TGM4: variants seen among roughly 807,000 people sequenced by gnomAD.
The protein encoded by TGM4 is protein-glutamine gamma-glutamyltransferase 4.
TGM4 carries 61 observed loss-of-function variants against 76.3 expected under a neutral mutation model. The observed-to-expected ratio is 0.80, with a 90% CI of 0.65 to 0.99. The LOEUF (loss-of-function observed/expected upper bound fraction) is 0.99, where lower values mean the gene tolerates loss of function less well. TGM4 is among the 50% of genes least tolerant of loss of function. The probability of loss-of-function intolerance (pLI) is 0.00; values close to 1 mark genes in which losing one functional copy is unlikely to be tolerated. For synonymous variants in TGM4, 337 were observed against 329.8 expected, an observed-to-expected ratio of 1.02 and a Z score of -0.24; for missense variants, 794 against 843.2, an observed-to-expected ratio of 0.94 and a Z score of 0.72.
At chr3:44,910,851 C>T in intron 11 of TGM4, 107 bp from the exon 12 acceptor site, 1 of 1,271,394 alleles carries the variant, frequency 7.9e-7, no homozygotes, top group African/African-American at 1.5e-5. Context: ...CCAAAGTTAT[C>T]CAGTTCAATT....
At chr3:44,878,442 C>CTTTTA (rs1438201527) in intron 1 of TGM4, among the ~76,000 whole-genome samples, 2 of 143,114 alleles carry the variant, frequency 1.4e-5, no homozygotes, top group Non-Finnish European at 3.0e-5. Context: ...GCATTTATTA[C>CTTTTA]TTTTGTTTTA....
chr3:44,896,783 C>A lies in TGM4; in HGVS notation c.624C>A (p.Asp208Glu), dbSNP rs1332950753. Reference sequence around the variant, plus strand: ...CCCTCAAGCCCACAGATAGGAGGGACCCCGTGCTGGTGTGCAGGGCCATGT... The same window carrying A: ...CCCTCAAGCCCACAGATAGGAGGGAACCCGTGCTGGTGTGCAGGGCCATGT... The part of the protein sequence containing the change: ...ESSLKPTDRR[D>E]PVLVCRAMCA... Residue 208 changes from aspartate (D) to glutamate (E), a missense_variant, in exon 6 of 14, where the codon GAC (aspartate) becomes GAA (glutamate). Physicochemically the swap from Asp to Glu is conservative, Grantham distance 45. Transcript: ENST00000296125. 1.9e-6 allele frequency: 3 copies of A among 1,614,166 alleles called. No individual in the cohort carries two copies. The highest frequency in any genetic ancestry group is 2.5e-6 in the Non-Finnish European group (3 of 1,180,020).
rs560188073 is a variant in TGM4, at chr3:44,881,090, G to T, written c.20-4235G>T. 2.2e-4 allele frequency among the ~76,000 whole-genome samples: 33 copies of T among 149,118 alleles called. 1 individual carries two copies. Among genetic ancestry groups the T allele is most frequent in the African/African-American group, 8.1e-4 (32 of 39,498 alleles). ...ACTATGGTGCACACCTGTAGTCCCAGCTACTCTGGAGGCTGAAGTGGGAGG... is the reference window on the plus strand; with the variant it reads ...ACTATGGTGCACACCTGTAGTCCCATCTACTCTGGAGGCTGAAGTGGGAGG... On this transcript the variant is annotated intron_variant, in intron 1 of 13. Transcript: ENST00000296125.
At chr3:44,885,183 C>T (rs1023508198) in intron 1 of TGM4, 142 bp from the exon 2 acceptor site, 1 of 779,926 alleles carries the variant, frequency 1.3e-6, no homozygotes, top group African/African-American at 1.8e-5. Context: ...AGATTCATAA[C>T]CAGCTGGAGG....
rs747417296 is a variant in TGM4 at position 44,903,962 on chromosome 3, C to T, written c.1050C>T (p.Asp350=). The change falls in exon 9 of 14, where the codon GAC becomes GAT. Residue 350 remains aspartate (D), a synonymous_variant. Transcript: ENST00000296125. ...PKGYDGWQAV[D]ATPQERSQGV... ...GCTACGACGGCTGGCAGGCTGTGGA[C>T]GCAACGCCGCAGGAGCGAAGCCAGG... is the stretch of plus-strand genomic sequence containing the variant. 2.7e-5 allele frequency: 44 copies of T among 1,613,930 alleles called. No homozygotes were observed. The highest frequency in any genetic ancestry group is 1.2e-4 in the Admixed American group (7 of 60,008).
At chr3:44,903,564 T>G in intron 8 of TGM4, 11 of 333,098 alleles carry the variant, frequency 3.3e-5, no homozygotes, top group Middle Eastern at 8.9e-4. Flanking sequence ...ACAGATAAGA[T>G]TTAGTTCTGC....
At chr3:44,897,991 G>T (rs1699802227) in intron 6 of TGM4, among the ~76,000 whole-genome samples, 1 of 152,078 alleles carries the variant, frequency 6.6e-6, no homozygotes, top group Non-Finnish European at 1.5e-5. Flanking sequence ...ATTTAAAAAG[G>T]CAGAGGACGG....
chr3:44,900,506 G>A (rs1259473555), intron 6 of TGM4, among the ~76,000 whole-genome samples: 2 of 152,176 alleles, frequency 1.3e-5, no homozygotes, highest in Non-Finnish European at 2.9e-5. Flanking sequence ...CTCCCAAACA[G>A]GATTCAGAAA....
chr3:44,914,798 C>T lies in TGM4; in HGVS notation c.*1073C>T, dbSNP rs1266178759. The T allele has an allele frequency of 6.6e-6, 1 of 152,072 alleles. No homozygotes were observed. The highest frequency in any genetic ancestry group is 1.5e-5 in the Non-Finnish European group (1 of 68,042). 9.4% of individuals were successfully genotyped at this position (152,072 alleles called of 1,614,324 possible). ...GCTGTCACCCCAACTGGATACACAC[C>T]CTGGCAAAGGCACGTAGCTTGAATG... is the stretch of plus-strand genomic sequence containing the variant. On this transcript the variant is annotated 3_prime_UTR_variant, in exon 14 of 14. Coordinates refer to ENST00000296125, the MANE Select transcript of TGM4 (RefSeq NM_003241.4).
rs188861532 is a variant in TGM4, at chr3:44,910,372, C to A, written c.1606+4C>A. 7 of 1,612,234 alleles carry A rather than the reference C, an allele frequency of 4.3e-6. No individual in the cohort carries two copies. The highest frequency in any genetic ancestry group is 5.9e-6 in the Non-Finnish European group (7 of 1,178,634). ...ACCTCGCAGATCCAAGGTCAAGGTA[C>A]CAGAACCAGAGGGAGGAGAGGCCTC... On this transcript the variant is annotated splice_donor_region_variant and intron_variant, in intron 11 of 13. Coordinates refer to ENST00000296125, the MANE Select transcript of TGM4 (RefSeq NM_003241.4).
At chr3:44,906,921 A>G in intron 9 of TGM4, 28 bp from the exon 10 acceptor site, 3 of 1,608,120 alleles carry the variant, frequency 1.9e-6, no homozygotes, top group Non-Finnish European at 2.6e-6. Context: ...AACCCCACTG[A>G]GAGTGACCAC....
chr3:44,878,551 C>T (rs575448465), intron 1 of TGM4, among the ~76,000 whole-genome samples: 11 of 151,126 alleles, frequency 7.3e-5, no homozygotes, highest in Non-Finnish European at 1.2e-4. Flanking sequence ...GACGTGATCT[C>T]GGTTCACTGC....
intron 6 of TGM4, among the ~76,000 whole-genome samples, chr3:44,898,892 C>A (rs544067398): frequency 6.6e-6 from 1 of 152,222 alleles, no homozygotes; most frequent in East Asian, 1.9e-4. Context: ...AGCCCAGGGG[C>A]CAGCAGGTGG....
intron 2 of TGM4, among the ~76,000 whole-genome samples, chr3:44,887,418 G>T (rs1699623190): frequency 6.6e-6 from 1 of 152,232 alleles, no homozygotes; most frequent in Non-Finnish European, 1.5e-5. Context: ...ACAGAGGCAG[G>T]AGCTCTAGGG....
At chr3:44,893,730 C>T in intron 5 of TGM4, 35 bp downstream of exon 5, 1 of 1,575,680 alleles carries the variant, frequency 6.3e-7, no homozygotes, top group Non-Finnish European at 8.7e-7. Context: ...GCACCAGGCC[C>T]CATCTGCTAG....
At chr3:44,907,297 ACCCCAT>A (rs1699937324) in intron 10 of TGM4, 97 bp downstream of exon 10, 4 of 1,166,506 alleles carry the variant, frequency 3.4e-6, no homozygotes, top group Non-Finnish European at 4.6e-6. Flanking sequence ...ACATGGTGAA[ACCCCAT>A]CCCTACCAAA....
Position 44,907,070 on chromosome 3 carries a change from G to A in TGM4, c.1197G>A (p.Lys399=). 1 of 1,614,220 alleles carries A rather than the reference G, an allele frequency of 6.2e-7. No homozygotes were observed. The highest frequency in any genetic ancestry group is 1.1e-5 in the South Asian group (1 of 91,084). ...GTGACAGGCTCATCTGGTTGGTGAA[G>A]ATGGTGAATGGGCAGGAGGAGTTAC... The part of the protein sequence containing the change: ...VNGDRLIWLV[K]MVNGQEELHV... The change falls in exon 10 of 14, where the codon AAG becomes AAA. Residue 399 remains lysine, a synonymous_variant. Transcript: ENST00000296125.
At position 44,893,624 on chromosome 3, in the gene TGM4, C is replaced by T. The variant is rs751318269; in HGVS notation, c.478C>T (p.Leu160Phe). ...TGAGGACGAGCGCAAAGAGTACATC[C>T]TCAATGACACGGGCTGCCATTACGT... ...PDEDERKEYI[L>F]NDTGCHYVGA... The change falls in exon 5 of 14, where the codon CTC (leucine) becomes TTC (phenylalanine). Residue 160 changes from leucine (L) to phenylalanine (F), a missense_variant. By Grantham distance (22) the Leu-to-Phe change is conservative. Transcript: ENST00000296125. 1 of 1,613,914 alleles carries T rather than the reference C, an allele frequency of 6.2e-7. No homozygotes were observed. Among genetic ancestry groups the T allele is most frequent in the Non-Finnish European group, 8.5e-7 (1 of 1,179,880 alleles).
chr3:44,893,409 G>A (rs990610023), intron 4 of TGM4, among the ~76,000 whole-genome samples, 168 bp from the exon 5 acceptor site: 1 of 152,110 alleles, frequency 6.6e-6, no homozygotes, highest in African/African-American at 2.4e-5. Flanking sequence ...GGCTCGGGAA[G>A]TTCTTTTGGA....
Sources: gnomAD v4.1 joint callset for allele counts (sites outside exome capture counted in the v4.1 genomes callset) on GRCh38, gnomAD v4.1.1 for gene constraint, MANE v1.5 for transcripts, NCBI Gene and HGNC (gene_info 2026-07-23, HGNC 2026-07-21) for gene names.